Variants in COL13A1 observed in about 807,000 individuals in gnomAD.
The protein encoded by COL13A1 is collagen type XIII alpha 1 chain, also known as collagen alpha-1(XIII) chain.
COL13A1 carries 89 observed loss-of-function variants against 130.9 expected under a neutral mutation model. The ratio of observed to expected loss-of-function variants is 0.68; its 90% CI spans 0.57 to 0.81. The LOEUF is 0.81. Ranked by LOEUF, COL13A1 falls within the 30% of genes least tolerant of loss-of-function variation. COL13A1 has a pLI of 0.00. For synonymous variants in COL13A1, 402 were observed against 341.6 expected, an observed-to-expected ratio of 1.18 and a Z score of -1.95; for missense variants, 879 against 934.6, an observed-to-expected ratio of 0.94 and a Z score of 0.78.
chr10:69,867,686 C>A, intron 2 of COL13A1, 112 bp from the exon 3 acceptor site: 2 of 672,002 alleles, frequency 3.0e-6, no homozygotes, highest in Non-Finnish European at 5.6e-6. Context: ...ACTTCGAAGA[C>A]CAGATGGAAA....
intron 5 of COL13A1, among the ~76,000 whole-genome samples, chr10:69,877,017 G>T (rs898314341): frequency 2.6e-5 from 4 of 152,200 alleles, no homozygotes; most frequent in African/African-American, 9.6e-5. Flanking sequence ...AGCAGTGGGG[G>T]TAGAAGGAGG....
intron 9 of COL13A1, 50 bp downstream of exon 9, chr10:69,888,380 T>C: frequency 1.9e-6 from 3 of 1,595,536 alleles, no homozygotes; most frequent in Non-Finnish European, 2.6e-6. Flanking sequence ...ATCCTGGATC[T>C]CTTGGTCATT....
chr10:69,855,383 G>T (rs1454459111), intron 2 of COL13A1, among the ~76,000 whole-genome samples: 1 of 152,192 alleles, frequency 6.6e-6, no homozygotes, highest in Non-Finnish European at 1.5e-5. Flanking sequence ...AGAGCTGCTT[G>T]AGACAGGATT....
chr10:69,953,679 G>A (rs1301441518), intron 39 of COL13A1, among the ~76,000 whole-genome samples: 1 of 152,238 alleles, frequency 6.6e-6, no homozygotes, highest in East Asian at 1.9e-4. Flanking sequence ...GTTGAAGTTT[G>A]TCTGTGTTTA....
Position 69,802,345 on chromosome 10 carries a change from T to G in COL13A1, c.-79T>G. On this transcript the variant is annotated 5_prime_UTR_variant, in exon 1 of 41. Coordinates refer to ENST00000645393, the MANE Select transcript of COL13A1 (RefSeq NM_001368882.1). ...AAGCCCTTTCCCCCTGCCCCGCAGT[T>G]TGGATAGAGCCTTTTGGCAGCGGCT... The G allele has an allele frequency of 1.5e-6, 2 of 1,351,114 alleles. No homozygotes were observed. The highest frequency in any genetic ancestry group is 1.9e-6 in the Non-Finnish European group (2 of 1,048,020). 83.7% of individuals were successfully genotyped at this position (1,351,114 alleles called of 1,614,324 possible).
intron 17 of COL13A1, among the ~76,000 whole-genome samples, chr10:69,909,473 C>A (rs1338712397): frequency 6.6e-6 from 1 of 152,256 alleles, no homozygotes; most frequent in Non-Finnish European, 1.5e-5. Flanking sequence ...GCCACTGGAG[C>A]CACTAGCCTT....
intron 34 of COL13A1, among the ~76,000 whole-genome samples, chr10:69,940,213 T>C (rs922129185): frequency 4.1e-5 from 6 of 147,698 alleles, no homozygotes; most frequent in African/African-American, 1.5e-4. Flanking sequence ...TTGGTCTCAG[T>C]AGCTTCCCAC....
chr10:69,871,575 G>A (rs550837824), intron 3 of COL13A1, among the ~76,000 whole-genome samples: 1 of 152,206 alleles, frequency 6.6e-6, no homozygotes, highest in Non-Finnish European at 1.5e-5. Context: ...TCCTGGTGCT[G>A]CCTGAACTTT....
intron 2 of COL13A1, among the ~76,000 whole-genome samples, chr10:69,867,214 G>C (rs1466575107): frequency 1.3e-5 from 2 of 152,216 alleles, no homozygotes; most frequent in Non-Finnish European, 2.9e-5. Flanking sequence ...CCCGAGAGGG[G>C]GCTTTGAGAA....
chr10:69,885,458 T>C (rs1162310880), intron 7 of COL13A1, among the ~76,000 whole-genome samples: 1 of 152,164 alleles, frequency 6.6e-6, no homozygotes, highest in Non-Finnish European at 1.5e-5. Flanking sequence ...CCACATGCCT[T>C]TCCCAGGCCC....
intron 12 of COL13A1, 103 bp downstream of exon 12, chr10:69,894,804 G>A: frequency 6.7e-7 from 1 of 1,495,186 alleles, no homozygotes; most frequent in South Asian, 1.1e-5. Flanking sequence ...AGTTTTAATT[G>A]ACAGAACCAG....
intron 1 of COL13A1, among the ~76,000 whole-genome samples, chr10:69,816,382 A>C (rs370426637): frequency 9.2e-4 from 139 of 151,684 alleles, no homozygotes; most frequent in African/African-American, 3.2e-3. Flanking sequence ...AGTCTATCAG[A>C]AGCTCAGTTT....
intron 32 of COL13A1, among the ~76,000 whole-genome samples, chr10:69,936,513 C>T (rs956095786): frequency 2.6e-5 from 4 of 152,168 alleles, no homozygotes; most frequent in Non-Finnish European, 5.9e-5. Context: ...GACTCTGGGT[C>T]AACCATGAGG....
intron 1 of COL13A1, among the ~76,000 whole-genome samples, chr10:69,819,299 G>A (rs1845430123): frequency 6.6e-6 from 1 of 152,230 alleles, no homozygotes; most frequent in Non-Finnish European, 1.5e-5. Flanking sequence ...CTCAGGAAAT[G>A]TGAAAGTCAC....
chr10:69,872,732 C>T (rs1056955415), intron 4 of COL13A1, among the ~76,000 whole-genome samples: 16 of 152,202 alleles, frequency 1.1e-4, no homozygotes, highest in South Asian at 2.1e-4. Context: ...TTATTGAAAC[C>T]GTAAGAAGAG....
chr10:69,918,302 C>G lies in COL13A1; in HGVS notation c.984C>G (p.Ala328=), dbSNP rs2274181. 0.23 allele frequency: 374,490 copies of G among 1,611,198 alleles called. 46,130 individuals are homozygous for G. The highest frequency in any genetic ancestry group is 0.31 in the South Asian group (28,477 of 90,812). Residue 328 remains alanine (A), a synonymous_variant, in exon 19 of 41, where the codon GCC becomes GCG. Coordinates refer to ENST00000645393, the MANE Select transcript of COL13A1 (RefSeq NM_001368882.1). Reference sequence around the variant, plus strand: ...TCTGCCAGGGGGCGCCCGGAATTGCCGTGGCTGGGATGAAGGTCAGTGGAC... The same window carrying G: ...TCTGCCAGGGGGCGCCCGGAATTGCGGTGGCTGGGATGAAGGTCAGTGGAC... ...KHGAKGAPGI[A]VAGMKGEPGI...
intron 2 of COL13A1, among the ~76,000 whole-genome samples, chr10:69,829,067 TC>T (rs1329521240): frequency 6.6e-6 from 1 of 151,834 alleles, no homozygotes; most frequent in Non-Finnish European, 1.5e-5. Flanking sequence ...GCCAGCACCT[TC>T]CCCCCACCTG....
In COL13A1 at chr10:69,829,073, C is replaced by T. The variant is rs570754461; in HGVS notation, c.364+6635C>T. 5.7e-4 allele frequency among the ~76,000 whole-genome samples: 87 copies of T among 152,290 alleles called. 1 individual carries two copies. The highest frequency in any genetic ancestry group is 1.5e-3 in the African/African-American group (61 of 41,546). On this transcript the variant is annotated intron_variant, in intron 2 of 40. Coordinates refer to ENST00000645393, the MANE Select transcript of COL13A1 (RefSeq NM_001368882.1). ...ACAATGAAAGCCAGCACCTTCCCCC[C>T]ACCTGGCCCTTTCCAACATTCTCGA...
At chr10:69,824,388 C>A (rs1170636325) in intron 2 of COL13A1, among the ~76,000 whole-genome samples, 2 of 152,218 alleles carry the variant, frequency 1.3e-5, no homozygotes, top group African/African-American at 2.4e-5. Context: ...GAAAGCACAT[C>A]AGTTGTCTGA....
Sources: allele counts gnomAD v4.1 joint callset (sites outside exome capture counted in the v4.1 genomes callset), GRCh38; gene constraint gnomAD v4.1.1; transcripts MANE v1.5; gene names NCBI Gene and HGNC (gene_info 2026-07-23, HGNC 2026-07-21).